Variants in PDE10A observed in about 807,000 individuals in gnomAD.
PDE10A encodes the protein phosphodiesterase 10A.
A neutral mutation model predicts 97.7 loss-of-function variants in PDE10A; 39 were observed. The ratio of observed to expected loss-of-function variants is 0.40; its 90% CI spans 0.31 to 0.52. The LOEUF (loss-of-function observed/expected upper bound fraction) is 0.52, where lower values mean the gene tolerates loss of function less well. Among genes scored for constraint, PDE10A ranks in the 20% least tolerant of loss-of-function variants. PDE10A has a pLI of 0.56. For synonymous variants in PDE10A, 371 were observed against 376.8 expected (o/e 0.98, Z 0.18); for missense variants, 731 against 1,047.8 (o/e 0.70, Z 4.17).
chr6:165,704,225 T>C (rs1791650586), intron 1 of PDE10A, among the ~76,000 whole-genome samples: 2 of 152,134 alleles, frequency 1.3e-5, no homozygotes, highest in Admixed American at 1.3e-4. Context: ...ATGATCAGGC[T>C]CACACAATGG....
At chr6:165,785,315 C>T (rs1778464558) in intron 1 of PDE10A, among the ~76,000 whole-genome samples, 1 of 152,182 alleles carries the variant, frequency 6.6e-6, no homozygotes, top group African/African-American at 2.4e-5. Context: ...TCCCCATATA[C>T]TCCTTTTCTA....
chr6:165,979,166 T>G (rs1323352198), intron 1 of PDE10A, among the ~76,000 whole-genome samples: 1 of 152,188 alleles, frequency 6.6e-6, no homozygotes, highest in Non-Finnish European at 1.5e-5. Flanking sequence ...AAAGCAGGGA[T>G]ACAGGCTTGG....
Position 165,450,239 on chromosome 6 carries a change from TA to T in PDE10A, c.1144+2del. 2 of 1,539,812 alleles carry T rather than the reference TA, an allele frequency of 1.3e-6. No homozygotes were observed. The highest frequency in any genetic ancestry group is 2.0e-5 in the Admixed American group (1 of 51,254). On this transcript the variant is annotated splice_donor_variant, in intron 4 of 21. Coordinates refer to ENST00000539869, the MANE Select transcript of PDE10A (RefSeq NM_001385079.1). LOFTEE classifies it high-confidence loss of function. Reference sequence around the variant, plus strand: ...TCTAACAGGAACACAAAATGCTTCTTACCTATTTTAATGATGCTGCTCAGTT... The same window carrying T: ...TCTAACAGGAACACAAAATGCTTCTTCCTATTTTAATGATGCTGCTCAGTT...
intron 10 of PDE10A, among the ~76,000 whole-genome samples, chr6:165,427,000 T>C (rs1459123892): frequency 1.3e-5 from 2 of 152,078 alleles, no homozygotes; most frequent in Non-Finnish European, 2.9e-5. Flanking sequence ...ATCAGAACCC[T>C]TGTGCACAGC....
chr6:165,598,833 G>A (rs1786762175), intron 1 of PDE10A, among the ~76,000 whole-genome samples: 1 of 152,182 alleles, frequency 6.6e-6, no homozygotes, highest in African/African-American at 2.4e-5. Flanking sequence ...TAGAGGGCCT[G>A]CTCTTGCCAG....
At chr6:165,698,622 G>C (rs1374985109) in intron 1 of PDE10A, among the ~76,000 whole-genome samples, 1 of 152,298 alleles carries the variant, frequency 6.6e-6, no homozygotes, top group East Asian at 1.9e-4. Flanking sequence ...GGCTGAGGTG[G>C]GTGGATCACC....
chr6:165,522,497 C>G (rs965546470), intron 2 of PDE10A, among the ~76,000 whole-genome samples: 11 of 151,900 alleles, frequency 7.2e-5, no homozygotes, highest in African/African-American at 2.2e-4. Context: ...CATAAAAGAC[C>G]ACATAAAAAA....
intron 10 of PDE10A, among the ~76,000 whole-genome samples, chr6:165,422,234 A>G (rs1399623083): frequency 6.6e-6 from 1 of 152,120 alleles, no homozygotes; most frequent in African/African-American, 2.4e-5. Context: ...CATCAGGTCA[A>G]TCTAAAAGCC....
At chr6:165,446,886 T>C (rs1790886811) in intron 5 of PDE10A, among the ~76,000 whole-genome samples, 1 of 152,070 alleles carries the variant, frequency 6.6e-6, no homozygotes, top group Non-Finnish European at 1.5e-5. Flanking sequence ...GGACTGACCT[T>C]AGGAGTTTAG....
chr6:165,912,930 T>C (rs145929306), intron 1 of PDE10A, among the ~76,000 whole-genome samples: 1 of 152,338 alleles, frequency 6.6e-6, no homozygotes, highest in Non-Finnish European at 1.5e-5. Flanking sequence ...GAATCACCTG[T>C]ATAAATGTGT....
intron 1 of PDE10A, among the ~76,000 whole-genome samples, chr6:165,554,323 C>A (rs980408332): frequency 3.3e-5 from 5 of 152,070 alleles, no homozygotes; most frequent in Admixed American, 2.0e-4. Context: ...AGGAAAAAAA[C>A]CTAATAATCC....
At chr6:165,459,083 C>CTTA (rs1778139299) in intron 3 of PDE10A, among the ~76,000 whole-genome samples, 1 of 152,080 alleles carries the variant, frequency 6.6e-6, no homozygotes, top group Admixed American at 6.5e-5. Context: ...CTGATGTTTT[C>CTTA]TAAATATCAG....
At chr6:165,770,212 C>T (rs1275745858) in intron 1 of PDE10A, among the ~76,000 whole-genome samples, 2 of 147,972 alleles carry the variant, frequency 1.4e-5, no homozygotes, top group Admixed American at 1.3e-4. Context: ...CATATGAGTT[C>T]CATGAAGTTT....
chr6:165,610,270 C>A (rs143134389), intron 1 of PDE10A, among the ~76,000 whole-genome samples: 2,031 of 152,114 alleles, frequency 0.013, 47 homozygotes, highest in African/African-American at 0.047. Context: ...ACGGCCAGGC[C>A]CGGTGGCTCA....
At chr6:165,918,642 G>T (rs999972270) in intron 1 of PDE10A, among the ~76,000 whole-genome samples, 1 of 152,184 alleles carries the variant, frequency 6.6e-6, no homozygotes, top group African/African-American at 2.4e-5. Flanking sequence ...GCCTATAGTA[G>T]CTCATAAAGC....
At chr6:165,633,010 G>A (rs533176159) in intron 1 of PDE10A, among the ~76,000 whole-genome samples, 4 of 151,416 alleles carry the variant, frequency 2.6e-5, no homozygotes, top group Non-Finnish European at 5.9e-5. Context: ...CAATATGCTG[G>A]AAGAGATTCC....
chr6:165,387,000 A>G (rs1217163444), intron 17 of PDE10A, among the ~76,000 whole-genome samples: 9 of 152,132 alleles, frequency 5.9e-5, no homozygotes. Flanking sequence ...TGGGCGACAC[A>G]GCGAGACTCT....
chr6:165,558,154 T>C (rs933511576), intron 1 of PDE10A, among the ~76,000 whole-genome samples: 1 of 152,146 alleles, frequency 6.6e-6, no homozygotes, highest in African/African-American at 2.4e-5. Context: ...CACATGCACA[T>C]GTATGTATAC....
intron 1 of PDE10A, among the ~76,000 whole-genome samples, chr6:165,952,141 G>C (rs1349174970): frequency 2.0e-5 from 3 of 152,196 alleles, no homozygotes; most frequent in African/African-American, 4.8e-5. Flanking sequence ...GCCCAGCTAG[G>C]GTTCAACGTC....
Sources: gnomAD v4.1 joint callset for allele counts (sites outside exome capture counted in the v4.1 genomes callset) on GRCh38, gnomAD v4.1.1 for gene constraint, MANE v1.5 for transcripts, NCBI Gene and HGNC (gene_info 2026-07-23, HGNC 2026-07-21) for gene names.